The following MYLK variants were observed in gnomAD, a reference collection of about 807,000 sequenced individuals.
MYLK encodes myosin light chain kinase.
A neutral mutation model predicts 203.4 loss-of-function variants in MYLK; 106 were observed. That is an observed-to-expected ratio of 0.52 (90% CI 0.45 to 0.61). The LOEUF (loss-of-function observed/expected upper bound fraction) is 0.61, where lower values mean the gene tolerates loss of function less well. Among genes scored for constraint, MYLK ranks in the 20% least tolerant of loss-of-function variants. The pLI is 0.00. For missense variants in MYLK, 2,072 were observed against 2,442.3 expected, an observed-to-expected ratio of 0.85 and a Z score of 3.20; for synonymous variants, 867 against 959.5, an observed-to-expected ratio of 0.90 and a Z score of 1.78.
chr3:123,832,230 C>T (rs1464946260), intron 2 of MYLK, among the ~76,000 whole-genome samples: 1 of 152,238 alleles, frequency 6.6e-6, no homozygotes, highest in East Asian at 1.9e-4. Flanking sequence ...TCCCCCAGCA[C>T]CACACCAAGG....
intron 19 of MYLK, among the ~76,000 whole-genome samples, chr3:123,688,734 C>G (rs2060555115): frequency 6.6e-6 from 1 of 152,210 alleles, no homozygotes; most frequent in South Asian, 2.1e-4. Context: ...GCCTTAAGCA[C>G]AGTGTCCTCA....
chr3:123,784,840 GCAAGCCC>G (rs902275547), intron 4 of MYLK, among the ~76,000 whole-genome samples: 3 of 152,198 alleles, frequency 2.0e-5, no homozygotes, highest in Non-Finnish European at 4.4e-5. Context: ...GGGGCGGACT[GCAAGCCC>G]CACATGGGGA....
At chr3:123,814,799 T>TCTTC (rs1390343142) in intron 3 of MYLK, among the ~76,000 whole-genome samples, 1 of 152,140 alleles carries the variant, frequency 6.6e-6, no homozygotes, top group African/African-American at 2.4e-5. Context: ...TTTCTTTCTT[T>TCTTC]CTTTCTTTTT....
chr3:123,722,412 T>C (rs2062125224), intron 12 of MYLK, 132 bp from the exon 13 acceptor site: 1 of 1,116,076 alleles, frequency 9.0e-7, no homozygotes, highest in African/African-American at 1.5e-5. Flanking sequence ...TGAGGGCTAA[T>C]GATGTACCAT....
intron 16 of MYLK, among the ~76,000 whole-genome samples, chr3:123,703,122 C>T (rs2061315487): frequency 2.0e-5 from 3 of 152,184 alleles, no homozygotes; most frequent in Admixed American, 2.0e-4. Context: ...TCTGAGCATG[C>T]GTTCTTGTGT....
At chr3:123,657,489 T>C (rs752578992) in intron 23 of MYLK, 61 bp from the exon 24 acceptor site, 3 of 1,558,708 alleles carry the variant, frequency 1.9e-6, no homozygotes, top group Admixed American at 1.8e-5. Flanking sequence ...AAGGAAGTTT[T>C]TGAATTACCT....
chr3:123,790,350 A>G (rs1027822792), intron 4 of MYLK, among the ~76,000 whole-genome samples: 3 of 152,206 alleles, frequency 2.0e-5, no homozygotes, highest in South Asian at 2.1e-4. Context: ...GGAAGCCTCT[A>G]CAGTGGACCC....
At chr3:123,780,423 G>A (rs981220163) in intron 4 of MYLK, among the ~76,000 whole-genome samples, 1 of 152,108 alleles carries the variant, frequency 6.6e-6, no homozygotes, top group African/African-American at 2.4e-5. Flanking sequence ...AACAGAGCGA[G>A]ATTCTGTCTC....
chr3:123,737,268 G>T, intron 8 of MYLK, 110 bp downstream of exon 8: 2 of 1,357,468 alleles, frequency 1.5e-6, no homozygotes, highest in Non-Finnish European at 2.1e-6. Context: ...CTGGGTGTGT[G>T]AGTGGGCCAG....
intron 3 of MYLK, among the ~76,000 whole-genome samples, chr3:123,826,104 G>C (rs1345333916): frequency 6.6e-6 from 1 of 152,076 alleles, no homozygotes; most frequent in East Asian, 1.9e-4. Flanking sequence ...GGACATTCCT[G>C]GCAGGTATGC....
At chr3:123,763,537 G>A (rs1471186020) in intron 4 of MYLK, among the ~76,000 whole-genome samples, 1 of 152,166 alleles carries the variant, frequency 6.6e-6, no homozygotes, top group African/African-American at 2.4e-5. Context: ...TTGACATTTT[G>A]TCTGGAGATG....
rs555287153 is a variant in MYLK at position 123,642,224 on chromosome 3, G to A, written c.4620-1720C>T. ...TTTGAATCCTGCTTCTGCCTTTTAT[G>A]AGCTGTGTGACATTGGGCAAGTTGC... On this transcript the variant is annotated intron_variant, in intron 27 of 33. Coordinates refer to ENST00000360304, the MANE Select transcript of MYLK (RefSeq NM_053025.4). The surrounding 1 kb of genome is among the most constrained non-coding windows in gnomAD (Gnocchi z 4.2). 2.5e-4 allele frequency among the ~76,000 whole-genome samples: 38 copies of A among 152,316 alleles called. No individual in the cohort carries two copies. The South Asian group carries it at 3.7e-3, about 15-fold the overall frequency.
At chr3:123,638,640 C>T (rs1320376249) in intron 28 of MYLK, 1 of 535,314 alleles carries the variant, frequency 1.9e-6, no homozygotes, top group East Asian at 1.5e-4. Context: ...ATGAGTGAGG[C>T]CCAGGGAAGT....
intron 13 of MYLK, 122 bp from the exon 14 acceptor site, chr3:123,710,015 A>T: frequency 7.7e-7 from 1 of 1,305,188 alleles, no homozygotes; most frequent in Non-Finnish European, 1.1e-6. Context: ...ACTGGCAGCT[A>T]ACAGATAAAG....
chr3:123,680,775 C>G (rs1434954358), intron 20 of MYLK, among the ~76,000 whole-genome samples: 2 of 152,160 alleles, frequency 1.3e-5, no homozygotes, highest in East Asian at 1.9e-4. Context: ...CTGAGTTAAC[C>G]CGGCTCAATT....
chr3:123,828,609 T>C (rs2066216961), intron 3 of MYLK, among the ~76,000 whole-genome samples: 1 of 152,080 alleles, frequency 6.6e-6, no homozygotes, highest in Admixed American at 6.5e-5. Flanking sequence ...ACAAATAGTA[T>C]TATATCAAAT....
chr3:123,732,433 T>C (rs1358992400), intron 11 of MYLK, among the ~76,000 whole-genome samples: 1 of 152,212 alleles, frequency 6.6e-6, no homozygotes, highest in Non-Finnish European at 1.5e-5. Context: ...AAAATATAAT[T>C]TATTTCTGAG....
intron 18 of MYLK, among the ~76,000 whole-genome samples, chr3:123,695,738 C>A (rs2060896274): frequency 1.3e-5 from 2 of 152,166 alleles, no homozygotes; most frequent in African/African-American, 2.4e-5. Context: ...ATTACCTATT[C>A]ACAACAGCAA....
At chr3:123,852,965 G>A (rs1374420357) in intron 2 of MYLK, among the ~76,000 whole-genome samples, 2 of 152,028 alleles carry the variant, frequency 1.3e-5, no homozygotes, top group Non-Finnish European at 2.9e-5. Context: ...AGTAAAAGGA[G>A]GCCTTAAAAG....
Sources: gnomAD v4.1 joint callset for allele counts (sites outside exome capture counted in the v4.1 genomes callset) on GRCh38, gnomAD v4.1.1 for gene constraint, Gnocchi (gnomAD v3.1) non-coding constraint, MANE v1.5 for transcripts, NCBI Gene and HGNC (gene_info 2026-07-23, HGNC 2026-07-21) for gene names.